HS1BP3: variants seen among roughly 807,000 people sequenced by gnomAD.
HS1BP3 encodes HCLS1-binding protein 3.
In HS1BP3, 32 loss-of-function variants were observed where a neutral mutation model predicts 33.5. That is an observed-to-expected ratio of 0.95 (90% CI 0.72 to 1.28). The LOEUF (loss-of-function observed/expected upper bound fraction) is 1.28, where lower values mean the gene tolerates loss of function less well. HS1BP3 is among the 50% of genes most tolerant of loss of function. HS1BP3 has a pLI of 0.00. For missense variants in HS1BP3, 486 were observed against 502.3 expected (o/e 0.97, Z 0.31); for synonymous variants, 187 against 209.2 (o/e 0.89, Z 0.92).
chr2:20,566,598 A>G (rs1809131), intron 5 of HS1BP3, among the ~76,000 whole-genome samples: 149,493 of 150,408 alleles, frequency 0.99, 74,294 homozygotes, highest in East Asian at 1. Flanking sequence ...AGTTTGTCAC[A>G]GGTTTTTTTT....
intron 5 of HS1BP3, among the ~76,000 whole-genome samples, chr2:20,583,735 C>T (rs1314094548): frequency 6.6e-6 from 1 of 152,180 alleles, no homozygotes; most frequent in East Asian, 1.9e-4. Context: ...GATGTTGGGC[C>T]TCAGTGTGGC....
At chr2:20,626,386 CTCGT>C (rs951419350) in intron 4 of HS1BP3, among the ~76,000 whole-genome samples, 1 of 152,216 alleles carries the variant, frequency 6.6e-6, no homozygotes, top group African/African-American at 2.4e-5. Context: ...CTCTGCAGGG[CTCGT>C]TTGTTGGATG....
intron 2 of HS1BP3, among the ~76,000 whole-genome samples, chr2:20,603,363 G>A (rs1186516879): frequency 2.0e-5 from 3 of 152,146 alleles, no homozygotes; most frequent in East Asian, 1.9e-4. Flanking sequence ...AACAAAATGC[G>A]GTAAAGCTAT....
chr2:20,641,873 C>G (rs1353502948), intron 2 of HS1BP3, among the ~76,000 whole-genome samples: 1 of 152,208 alleles, frequency 6.6e-6, no homozygotes, highest in African/African-American at 2.4e-5. Context: ...AAGCCTTCAC[C>G]CCTTCACTCA....
chr2:20,635,021 G>A (rs1282466898), intron 4 of HS1BP3: 1 of 152,096 alleles, frequency 6.6e-6, no homozygotes, highest in Non-Finnish European at 1.5e-5. Flanking sequence ...AAAAGAAGAG[G>A]TGGGAGGAGT....
chr2:20,602,207 G>A (rs1180428294), intron 2 of HS1BP3, among the ~76,000 whole-genome samples: 6 of 151,348 alleles, frequency 4.0e-5, no homozygotes, highest in African/African-American at 1.5e-4. Flanking sequence ...CTTTTAGGAG[G>A]AGCCATGCGG....
intron 5 of HS1BP3, 27 bp downstream of exon 5, chr2:20,624,705 A>C (rs780589009): frequency 4.5e-6 from 7 of 1,557,272 alleles, no homozygotes. Flanking sequence ...AGAGGACACC[A>C]GGAGCAGACC....
chr2:20,622,054 C>T, intron 6 of HS1BP3: 2 of 546,686 alleles, frequency 3.7e-6, no homozygotes, highest in South Asian at 2.1e-5. Flanking sequence ...AGGCCCTGCC[C>T]TGGTGTGGCT....
At chr2:20,633,904 C>T (rs1695041346) in intron 4 of HS1BP3, among the ~76,000 whole-genome samples, 2 of 152,244 alleles carry the variant, frequency 1.3e-5, no homozygotes, top group African/African-American at 2.4e-5. Context: ...GGTGGAGTGC[C>T]GCCTGCGTGA....
In HS1BP3 at chr2:20,624,711, A is replaced by G. The variant is rs1467281096; in HGVS notation, c.784+21T>C. On this transcript the variant is annotated intron_variant, in intron 5 of 6. Coordinates refer to ENST00000304031, the MANE Select transcript of HS1BP3 (RefSeq NM_022460.4). Reference sequence around the variant, plus strand: ...TGGGCACCGAGAGGACACCAGGAGCAGACCATGGGGCTCTACTTACGGTCC... The same window carrying G: ...TGGGCACCGAGAGGACACCAGGAGCGGACCATGGGGCTCTACTTACGGTCC... 7 of 1,564,324 alleles carry G rather than the reference A, an allele frequency of 4.5e-6. No homozygotes were observed. The East Asian group carries it at 9.1e-5, about 20-fold the overall frequency.
At chr2:20,591,442 C>G (rs530638030), downstream of HS1BP3, among the ~76,000 whole-genome samples, 1 of 152,314 alleles carries the variant, frequency 6.6e-6, no homozygotes, top group Non-Finnish European at 1.5e-5. Context: ...GCCACAAGCA[C>G]TCGGATTCTG....
chr2:20,648,687 C>T (rs1370123552), intron 1 of HS1BP3, among the ~76,000 whole-genome samples: 7 of 152,192 alleles, frequency 4.6e-5, no homozygotes, highest in Non-Finnish European at 7.3e-5. Flanking sequence ...ATACCATTTC[C>T]GAGCCAATGG....
intron 5 of HS1BP3, among the ~76,000 whole-genome samples, chr2:20,563,620 G>A (rs1693055640): frequency 6.6e-6 from 1 of 152,124 alleles, no homozygotes; most frequent in South Asian, 2.1e-4. Context: ...ACGAGGAATG[G>A]TCCCCGAGAT....
intron 5 of HS1BP3, among the ~76,000 whole-genome samples, chr2:20,563,654 G>A (rs979024244): frequency 2.0e-5 from 3 of 152,106 alleles, no homozygotes; most frequent in Non-Finnish European, 2.9e-5. Context: ...TTTGGACTTC[G>A]TTCTGCTTCA....
intron 1 of HS1BP3, among the ~76,000 whole-genome samples, chr2:20,650,633 C>T (rs1695664503): frequency 6.6e-6 from 1 of 152,240 alleles, no homozygotes; most frequent in Non-Finnish European, 1.5e-5. Flanking sequence ...GTCTGATTCG[C>T]CTCTGTCCCC....
At chr2:20,626,014 G>T (rs936589422) in intron 4 of HS1BP3, among the ~76,000 whole-genome samples, 1 of 152,128 alleles carries the variant, frequency 6.6e-6, no homozygotes, top group African/African-American at 2.4e-5. Flanking sequence ...CTGAAATTCC[G>T]TGTGCCTGTC....
chr2:20,613,408 G>C (rs1694352754), downstream of HS1BP3, among the ~76,000 whole-genome samples: 1 of 152,228 alleles, frequency 6.6e-6, no homozygotes, highest in South Asian at 2.1e-4. Flanking sequence ...GTGATGGCAA[G>C]GGGGAGCCCC....
chr2:20,561,566 C>T (rs1692998727), intron 5 of HS1BP3, among the ~76,000 whole-genome samples: 1 of 152,178 alleles, frequency 6.6e-6, no homozygotes, highest in Non-Finnish European at 1.5e-5. Context: ...CACATACACA[C>T]ACACCCACAT....
At chr2:20,563,240 G>A (rs537417924) in intron 5 of HS1BP3, among the ~76,000 whole-genome samples, 1 of 152,348 alleles carries the variant, frequency 6.6e-6, no homozygotes, top group East Asian at 1.9e-4. Context: ...AGTGGTTGCA[G>A]AGCCAGATCT....
Sources: gnomAD v4.1 joint callset for allele counts (sites outside exome capture counted in the v4.1 genomes callset) on GRCh38, gnomAD v4.1.1 for gene constraint, MANE v1.5 for transcripts, NCBI Gene and HGNC (gene_info 2026-07-23, HGNC 2026-07-21) for gene names.